Variants in SMCO2 observed in about 807,000 individuals in gnomAD.
SMCO2 encodes the protein single-pass membrane protein with coiled-coil domains 2.
SMCO2 carries 25 observed loss-of-function variants against 29.5 expected under a neutral mutation model. The observed-to-expected ratio is 0.85, with a 90% CI of 0.62 to 1.18. SMCO2 has a LOEUF of 1.18. Ranked by LOEUF, SMCO2 falls within the 50% of genes most tolerant of loss-of-function variation. The probability of loss-of-function intolerance (pLI) is 0.00; values close to 1 mark genes in which losing one functional copy is unlikely to be tolerated. For synonymous variants in SMCO2, 117 were observed against 123.3 expected (o/e 0.95, Z 0.34); for missense variants, 348 against 344.5 (o/e 1.01, Z -0.08).
At chr12:27,491,458 G>T (rs1949734597) in intron 5 of SMCO2, among the ~76,000 whole-genome samples, 1 of 152,038 alleles carries the variant, frequency 6.6e-6, no homozygotes, top group South Asian at 2.1e-4. Flanking sequence ...AATAAACTAG[G>T]ATACCAAATA....
chr12:27,426,436 A>G, the SMCO2 span, among the ~76,000 whole-genome samples: 6 of 152,274 alleles, frequency 3.9e-5, no homozygotes, highest in African/African-American at 1.4e-4. Flanking sequence ...ATGGGAGAGA[A>G]AGCTGAGATG....
exon 8 of SMCO2, chr12:27,502,123 G>C: frequency 6.6e-7 from 1 of 1,516,846 alleles, no homozygotes; most frequent in Non-Finnish European, 8.8e-7. Context: ...CCCTCCTAAA[G>C]ATACAGAAGT....
the SMCO2 span, among the ~76,000 whole-genome samples, chr12:27,444,583 T>C: frequency 6.6e-6 from 1 of 152,138 alleles, no homozygotes; most frequent in African/African-American, 2.4e-5. Context: ...GAGAAAATAT[T>C]TGTAAACATC....
chr12:27,433,506 TACACACACACACAC>T, the SMCO2 span, among the ~76,000 whole-genome samples: 1 of 147,866 alleles, frequency 6.8e-6, no homozygotes, highest in Non-Finnish European at 1.5e-5. Flanking sequence ...CAGATGTGTA[TACACACACACACAC>T]ACACACACAC....
At chr12:27,448,936 A>G in the SMCO2 span, among the ~76,000 whole-genome samples, 1 of 152,188 alleles carries the variant, frequency 6.6e-6, no homozygotes, top group Non-Finnish European at 1.5e-5. Flanking sequence ...CAAAGGGGTA[A>G]AAGACAGAAG....
upstream of SMCO2, among the ~76,000 whole-genome samples, chr12:27,465,143 G>A (rs182233414): frequency 3.7e-3 from 569 of 152,172 alleles, 2 homozygotes; most frequent in Non-Finnish European, 6.1e-3. Flanking sequence ...TCTACACAGT[G>A]CTGCTTTAGG....
the SMCO2 span, among the ~76,000 whole-genome samples, chr12:27,445,613 C>T: frequency 0.017 from 2,558 of 152,316 alleles, 30 homozygotes; most frequent in Non-Finnish European, 0.028. Context: ...CTGCAATTCA[C>T]TCAGACCCAC....
At chr12:27,441,513 G>T in the SMCO2 span, among the ~76,000 whole-genome samples, 1 of 152,122 alleles carries the variant, frequency 6.6e-6, no homozygotes, top group African/African-American at 2.4e-5. Flanking sequence ...TGATAAAGGG[G>T]TCAATTCAGG....
chr12:27,492,229 A>G (rs904060193), intron 5 of SMCO2, among the ~76,000 whole-genome samples: 4 of 152,108 alleles, frequency 2.6e-5, no homozygotes, highest in Non-Finnish European at 5.9e-5. Flanking sequence ...ACAATTTTCT[A>G]TGCTAGTAGA....
upstream of SMCO2, among the ~76,000 whole-genome samples, chr12:27,463,471 T>G (rs1949473971): frequency 6.6e-6 from 1 of 152,106 alleles, no homozygotes; most frequent in Non-Finnish European, 1.5e-5. Flanking sequence ...TTCACCACGT[T>G]GGCCAGGCTG....
At chr12:27,456,711 G>A in the SMCO2 span, among the ~76,000 whole-genome samples, 1 of 151,618 alleles carries the variant, frequency 6.6e-6, no homozygotes, top group African/African-American at 2.4e-5. Flanking sequence ...AAACTTTTAC[G>A]TGAAACTCCA....
intron 1 of SMCO2, among the ~76,000 whole-genome samples, chr12:27,469,794 T>C (rs1014734950): frequency 6.6e-6 from 1 of 152,192 alleles, no homozygotes; most frequent in Non-Finnish European, 1.5e-5. Flanking sequence ...CTGTTTCCTT[T>C]CCGTTATTTT....
At chr12:27,458,164 G>GCATTAGTA in the SMCO2 span, among the ~76,000 whole-genome samples, 1 of 152,026 alleles carries the variant, frequency 6.6e-6, no homozygotes, top group Non-Finnish European at 1.5e-5. Context: ...TAACTTAAGC[G>GCATTAGTA]CATTAGTATT....
chr12:27,466,552 G>A (rs1949499952), upstream of SMCO2, among the ~76,000 whole-genome samples: 1 of 152,220 alleles, frequency 6.6e-6, no homozygotes, highest in South Asian at 2.1e-4. Context: ...GAGCAGATGT[G>A]GTAGAAGAAG....
At chr12:27,494,487 TTTA>T (rs60980302) in intron 6 of SMCO2, 131 bp downstream of exon 7, 14,583 of 176,220 alleles carry the variant, frequency 0.083, 707 homozygotes, top group Middle Eastern at 0.15. Flanking sequence ...TTTAATTTAA[TTTA>T]TTATTATTAT....
chr12:27,474,988 A>C, intron 4 of SMCO2, 75 bp downstream of exon 4: 2 of 1,493,062 alleles, frequency 1.3e-6, no homozygotes, highest in East Asian at 2.5e-5. Context: ...CAGATAACTT[A>C]GGGAAAGTCT....
the SMCO2 span, among the ~76,000 whole-genome samples, chr12:27,433,632 T>A: frequency 1.3e-5 from 2 of 152,076 alleles, no homozygotes. Context: ...AGTGATTATT[T>A]TAAACTATAA....
chr12:27,471,431 C>T (rs542914283), intron 2 of SMCO2, among the ~76,000 whole-genome samples: 2 of 152,030 alleles, frequency 1.3e-5, no homozygotes, highest in East Asian at 3.9e-4. Flanking sequence ...GACTCAATAC[C>T]CCCTCAACCC....
chr12:27,478,195 T>C (rs380773), intron 4 of SMCO2, among the ~76,000 whole-genome samples: 18,315 of 152,264 alleles, frequency 0.12, 2,129 homozygotes, highest in African/African-American at 0.28. Context: ...CAGTGGTATC[T>C]GTAAGTTCAT....
Sources: gnomAD v4.1 joint callset for allele counts (sites outside exome capture counted in the v4.1 genomes callset) on GRCh38, gnomAD v4.1.1 for gene constraint, MANE v1.5 for transcripts, NCBI Gene and HGNC (gene_info 2026-07-23, HGNC 2026-07-21) for gene names.